The following HMGN3 variants were observed in gnomAD, a reference collection of about 807,000 sequenced individuals.
The protein encoded by HMGN3 is high mobility group nucleosomal binding domain 3, also known as high mobility group nucleosome-binding domain-containing protein 3.
A neutral mutation model predicts 18.8 loss-of-function variants in HMGN3; 6 were observed. The ratio of observed to expected loss-of-function variants is 0.32; its 90% CI spans 0.18 to 0.63. HMGN3 has a LOEUF of 0.63. Ranked by LOEUF, HMGN3 falls within the 30% of genes least tolerant of loss-of-function variation. The pLI is 0.79. For synonymous variants in HMGN3, 40 were observed against 36.5 expected, an observed-to-expected ratio of 1.10 and a Z score of -0.35; for missense variants, 107 against 114.2, an observed-to-expected ratio of 0.94 and a Z score of 0.29.
exon 1 of HMGN3, chr6:79,234,679 C>T: frequency 1.1e-6 from 1 of 919,190 alleles, no homozygotes; most frequent in Non-Finnish European, 1.7e-6. Flanking sequence ...AGCCCGGCCT[C>T]TTCGACCTGC....
chr6:79,216,041 G>T (rs956842234), intron 1 of HMGN3, among the ~76,000 whole-genome samples: 3 of 152,110 alleles, frequency 2.0e-5, no homozygotes, highest in African/African-American at 7.2e-5. Context: ...GATAAAATGA[G>T]AACAAAATTC....
At chr6:79,234,305 A>G (rs1055474836) in intron 1 of HMGN3, 1 of 400,670 alleles carries the variant, frequency 2.5e-6, no homozygotes. Flanking sequence ...AATGAGTTCA[A>G]AAAGAAGGGA....
At chr6:79,227,187 A>G (rs1378815035) in intron 1 of HMGN3, among the ~76,000 whole-genome samples, 1 of 152,254 alleles carries the variant, frequency 6.6e-6, no homozygotes, top group Non-Finnish European at 1.5e-5. Flanking sequence ...GGAGAAAAAT[A>G]TAGGAAAAGA....
chr6:79,207,308 A>G (rs1298288214), intron 3 of HMGN3, among the ~76,000 whole-genome samples: 1 of 152,162 alleles, frequency 6.6e-6, no homozygotes, highest in African/African-American at 2.4e-5. Context: ...CCCATGTGTC[A>G]TGGGAGGAAC....
chr6:79,234,476 C>A, intron 1 of HMGN3, 70 bp downstream of exon 1: 1 of 1,473,798 alleles, frequency 6.8e-7, no homozygotes. Flanking sequence ...CTGCGCGAGC[C>A]ATTGCAATGC....
chr6:79,222,682 T>G (rs1275682688), intron 1 of HMGN3, among the ~76,000 whole-genome samples: 3 of 152,202 alleles, frequency 2.0e-5, no homozygotes, highest in African/African-American at 4.8e-5. Flanking sequence ...TCTTTAAATA[T>G]CCAATACTTG....
chr6:79,216,548 C>T (rs528354928), intron 1 of HMGN3, among the ~76,000 whole-genome samples: 32 of 152,312 alleles, frequency 2.1e-4, no homozygotes, highest in Non-Finnish European at 5.9e-5. Flanking sequence ...CTATCATATG[C>T]CCTCTTTCCA....
chr6:79,211,468 T>C (rs1345775525), intron 2 of HMGN3, among the ~76,000 whole-genome samples: 1 of 126,324 alleles, frequency 7.9e-6, no homozygotes, highest in Non-Finnish European at 1.7e-5. Context: ...TTCTCTTGTT[T>C]TTTTTTTTTT....
At chr6:79,202,326 C>T in exon 5 of HMGN3, 2 of 1,614,152 alleles carry the variant, frequency 1.2e-6, no homozygotes, top group Non-Finnish European at 8.5e-7. Context: ...CCTTCCTTTC[C>T]AGCTTCCTGC....
intron 1 of HMGN3, among the ~76,000 whole-genome samples, chr6:79,226,067 T>C (rs755756211): frequency 2.6e-5 from 4 of 152,258 alleles, no homozygotes; most frequent in Non-Finnish European, 4.4e-5. Flanking sequence ...AATAAACATA[T>C]ACAGAAAGTA....
At chr6:79,234,428 CAA>C in intron 1 of HMGN3, 116 bp downstream of exon 1, 2 of 928,534 alleles carry the variant, frequency 2.2e-6, no homozygotes, top group Non-Finnish European at 1.7e-6. Context: ...CGTGGAGGAG[CAA>C]AGATTCCCAA....
intron 1 of HMGN3, among the ~76,000 whole-genome samples, chr6:79,230,552 T>G (rs1426280796): frequency 2.0e-5 from 3 of 152,206 alleles, no homozygotes; most frequent in Non-Finnish European, 4.4e-5. Context: ...CCAGATTGGT[T>G]ATTTTAAAAA....
chr6:79,207,259 C>A (rs960705854), intron 3 of HMGN3, among the ~76,000 whole-genome samples: 2 of 151,994 alleles, frequency 1.3e-5, no homozygotes, highest in African/African-American at 4.8e-5. Flanking sequence ...TGGCTATGTC[C>A]CCACCCAAAT....
In HMGN3 at chr6:79,201,700, G is replaced by A. The variant is rs370315630; in HGVS notation, c.288C>T (p.Asn96=). 6.4e-5 allele frequency: 102 copies of A among 1,594,282 alleles called. No individual in the cohort carries two copies. In the African/African-American group the frequency reaches 6.5e-4, roughly 10 times the overall value. ...TTTTCATGACAATTCATTCTCCCTC[G>A]TTATCTACAGATTCAGTTTTCTGTG... The change falls in exon 6 of 6, where the codon AAC becomes AAT. Residue 96 remains asparagine, a synonymous_variant. Transcript: ENST00000344726.
chr6:79,224,425 T>C (rs1384945230), intron 1 of HMGN3, among the ~76,000 whole-genome samples: 3 of 152,242 alleles, frequency 2.0e-5, no homozygotes, highest in Non-Finnish European at 4.4e-5. Context: ...TTCTCCATCA[T>C]TCATGAGCCT....
intron 1 of HMGN3, chr6:79,234,303 C>T: frequency 2.5e-6 from 1 of 398,802 alleles, no homozygotes; most frequent in Non-Finnish European, 4.5e-6. Flanking sequence ...AGAATGAGTT[C>T]AAAAAGAAGG....
intron 1 of HMGN3, among the ~76,000 whole-genome samples, chr6:79,220,251 G>A (rs1354648997): frequency 6.6e-6 from 1 of 152,044 alleles, no homozygotes; most frequent in Non-Finnish European, 1.5e-5. Flanking sequence ...AAATCAGGAG[G>A]GGTGGAATAA....
intron 1 of HMGN3, among the ~76,000 whole-genome samples, chr6:79,223,356 A>C (rs1238430410): frequency 2.6e-5 from 4 of 152,156 alleles, no homozygotes; most frequent in African/African-American, 9.7e-5. Flanking sequence ...CTAAATATAC[A>C]AAAAATTAGC....
At chr6:79,226,513 A>C (rs1187345383) in intron 1 of HMGN3, among the ~76,000 whole-genome samples, 1 of 152,218 alleles carries the variant, frequency 6.6e-6, no homozygotes, top group African/African-American at 2.4e-5. Flanking sequence ...AATAAAATGA[A>C]AAATGAAATT....
Sources: allele counts gnomAD v4.1 joint callset (sites outside exome capture counted in the v4.1 genomes callset), GRCh38; gene constraint gnomAD v4.1.1; transcripts MANE v1.5; gene names NCBI Gene and HGNC (gene_info 2026-07-23, HGNC 2026-07-21).